Variants in ZNF69 observed in about 807,000 individuals in gnomAD.
ZNF69 encodes the protein ZNF3.
ZNF69 carries 47 observed loss-of-function variants against 50.9 expected under a neutral mutation model. That is an observed-to-expected ratio of 0.92 (90% confidence interval 0.73 to 1.18). The LOEUF (loss-of-function observed/expected upper bound fraction) is 1.18. ZNF69 is among the 50% of genes most tolerant of loss of function. The probability of loss-of-function intolerance (pLI) is 0.00; values close to 1 mark genes in which losing one functional copy is unlikely to be tolerated. For missense variants in ZNF69, 717 were observed against 675.1 expected (o/e 1.06, Z -0.69); for synonymous variants, 216 against 223.1 (o/e 0.97, Z 0.29).
At chr19:11,967,386 A>G in the ZNF69 span, among the ~76,000 whole-genome samples, 1 of 152,142 alleles carries the variant, frequency 6.6e-6, no homozygotes, top group Non-Finnish European at 1.5e-5. Flanking sequence ...CAACCTGGCT[A>G]ACACAGCAAG....
the ZNF69 span, chr19:11,980,040 G>A: frequency 1.8e-6 from 2 of 1,096,620 alleles, no homozygotes; most frequent in Non-Finnish European, 2.7e-6. Flanking sequence ...TAACATGAAA[G>A]GACTCACACT....
At chr19:11,956,408 G>C in the ZNF69 span, 1 of 392,790 alleles carries the variant, frequency 2.5e-6, no homozygotes, top group Non-Finnish European at 4.5e-6. Context: ...AGGGGTGATA[G>C]GTAAGTGCCT....
the ZNF69 span, among the ~76,000 whole-genome samples, chr19:11,972,350 CTT>C: frequency 6.6e-6 from 1 of 152,056 alleles, no homozygotes; most frequent in Non-Finnish European, 1.5e-5. Flanking sequence ...AGTATGTTGT[CTT>C]TTAAAAATTA....
downstream of ZNF69, among the ~76,000 whole-genome samples, chr19:11,917,390 T>C (rs979141732): frequency 6.6e-6 from 1 of 152,182 alleles, no homozygotes; most frequent in African/African-American, 2.4e-5. Context: ...TGTGTGGAAT[T>C]CCCAGAAGTA....
At chr19:11,924,108 G>A in the ZNF69 span, among the ~76,000 whole-genome samples, 1 of 152,174 alleles carries the variant, frequency 6.6e-6, no homozygotes, top group African/African-American at 2.4e-5. Context: ...CATGCATGGG[G>A]TCGTTGGGGT....
intron 4 of ZNF69, among the ~76,000 whole-genome samples, chr19:11,912,692 C>A (rs968015870): frequency 6.6e-6 from 1 of 152,022 alleles, no homozygotes; most frequent in Non-Finnish European, 1.5e-5. Context: ...GGAGAGAAGC[C>A]CTATGAATGT....
intron 1 of ZNF69, among the ~76,000 whole-genome samples, chr19:11,896,217 T>TAAAA (rs138289885): frequency 4.7e-5 from 3 of 63,858 alleles, no homozygotes; most frequent in African/African-American, 1.4e-4. Context: ...GAAACTCCAT[T>TAAAA]AAAAAAAAAA....
the ZNF69 span, among the ~76,000 whole-genome samples, chr19:11,943,213 A>T: frequency 6.6e-6 from 1 of 152,232 alleles, no homozygotes. Flanking sequence ...CTGTACAGGC[A>T]CATGTGCCAA....
the ZNF69 span, among the ~76,000 whole-genome samples, chr19:11,927,527 G>A: frequency 6.6e-6 from 1 of 152,066 alleles, no homozygotes; most frequent in African/African-American, 2.4e-5. Flanking sequence ...TACAGCAAGT[G>A]GAGGAACGTA....
At chr19:11,893,150 T>C (rs1977137159) in intron 1 of ZNF69, among the ~76,000 whole-genome samples, 1 of 152,136 alleles carries the variant, frequency 6.6e-6, no homozygotes, top group Admixed American at 6.5e-5. Flanking sequence ...TAGGTAGAAA[T>C]TTTCTAGTTA....
chr19:11,938,679 T>C, the ZNF69 span, among the ~76,000 whole-genome samples: 1 of 152,236 alleles, frequency 6.6e-6, no homozygotes, highest in East Asian at 1.9e-4. Flanking sequence ...GGTGCCGCAA[T>C]AAACATACAT....
At chr19:11,936,558 G>GT in the ZNF69 span, among the ~76,000 whole-genome samples, 1 of 152,084 alleles carries the variant, frequency 6.6e-6, no homozygotes, top group Non-Finnish European at 1.5e-5. Flanking sequence ...TTGTAAGTTT[G>GT]TTTGAGTTCC....
chr19:11,944,781 A>G, the ZNF69 span, among the ~76,000 whole-genome samples: 1 of 152,202 alleles, frequency 6.6e-6, no homozygotes, highest in Non-Finnish European at 1.5e-5. Flanking sequence ...TGTTGTTGGC[A>G]GGTAATACAT....
At chr19:11,901,853 C>T (rs1482141131) in intron 1 of ZNF69, among the ~76,000 whole-genome samples, 2 of 151,742 alleles carry the variant, frequency 1.3e-5, no homozygotes, top group Non-Finnish European at 2.9e-5. Context: ...AGAAATTTTA[C>T]ATGTACAGTT....
At chr19:11,929,952 G>A in the ZNF69 span, among the ~76,000 whole-genome samples, 1 of 148,258 alleles carries the variant, frequency 6.7e-6, no homozygotes, top group East Asian at 1.9e-4. Context: ...TTTGCAGGGT[G>A]ATATGTCTTC....
the ZNF69 span, among the ~76,000 whole-genome samples, chr19:11,967,012 C>T: frequency 2.0e-5 from 3 of 152,248 alleles, no homozygotes; most frequent in East Asian, 3.9e-4. Flanking sequence ...CAAGACAAGT[C>T]GCAATGTACA....
At chr19:11,924,471 T>C in the ZNF69 span, among the ~76,000 whole-genome samples, 1 of 149,500 alleles carries the variant, frequency 6.7e-6, no homozygotes, top group Non-Finnish European at 1.5e-5. Context: ...AAAGAAAATG[T>C]GTGAAGATCA....
chr19:11,889,282 A>G (rs1351767600), intron 1 of ZNF69, among the ~76,000 whole-genome samples: 1 of 152,128 alleles, frequency 6.6e-6, no homozygotes, highest in Non-Finnish European at 1.5e-5. Flanking sequence ...CTGTTTTTCC[A>G]GTCAGATAAT....
intron 4 of ZNF69, among the ~76,000 whole-genome samples, chr19:11,912,497 C>T (rs1205890136): frequency 6.6e-6 from 1 of 151,666 alleles, no homozygotes; most frequent in Non-Finnish European, 1.5e-5. Context: ...TTTTCAATAT[C>T]ATGAAAGAAT....
Sources: allele counts gnomAD v4.1 joint callset (sites outside exome capture counted in the v4.1 genomes callset), GRCh38; gene constraint gnomAD v4.1.1; transcripts MANE v1.5; gene names NCBI Gene and HGNC (gene_info 2026-07-23, HGNC 2026-07-21).